The following PLVAP variants were observed in gnomAD, a reference collection of about 807,000 sequenced individuals.
PLVAP encodes plasmalemma vesicle associated protein.
In PLVAP, 34 loss-of-function variants were observed where a neutral mutation model predicts 43.1. The observed-to-expected ratio is 0.79, with a 90% CI of 0.60 to 1.05. The LOEUF is 1.05. PLVAP is among the 50% of genes least tolerant of loss of function. The pLI is 0.00. For synonymous variants in PLVAP, 241 were observed against 237.3 expected, an observed-to-expected ratio of 1.02 and a Z score of -0.14; for missense variants, 574 against 593.4, an observed-to-expected ratio of 0.97 and a Z score of 0.34.
chr19:17,375,069 A>C (rs1435033843), intron 1 of PLVAP, among the ~76,000 whole-genome samples: 2 of 152,042 alleles, frequency 1.3e-5, no homozygotes, highest in African/African-American at 4.8e-5. Flanking sequence ...TGATCCACCC[A>C]CCTTGGCCTC....
chr19:17,370,001 TAAAAAAA>T (rs763532839), intron 1 of PLVAP, among the ~76,000 whole-genome samples: 104 of 88,772 alleles, frequency 1.2e-3, no homozygotes, highest in Admixed American at 3.4e-3. Flanking sequence ...AGAGTCTGTC[TAAAAAAA>T]AAAAAAAAAA....
In PLVAP at chr19:17,371,473, A is replaced by G. The variant is rs532773236; in HGVS notation, c.370-5278T>C. The stretch of plus-strand genomic sequence containing the variant: ...CAGACGTGAGCTGCCACGCCCGGCC[A>G]GCTATTTTTATTTTAATTTAATTTT... On this transcript the variant is annotated intron_variant, in intron 1 of 5. Transcript: ENST00000252590. Among the ~76,000 whole-genome samples, 17 of 151,930 alleles carry G rather than the reference A, an allele frequency of 1.1e-4. No individual in the cohort carries two copies. The East Asian group carries it at 2.9e-3, about 26-fold the overall frequency.
chr19:17,366,358 C>T (rs1449571943), intron 1 of PLVAP, among the ~76,000 whole-genome samples, 163 bp from the exon 2 acceptor site: 2 of 152,100 alleles, frequency 1.3e-5, no homozygotes, highest in Non-Finnish European at 2.9e-5. Context: ...CAGCTCACAC[C>T]TGTCATCCCA....
intron 3 of PLVAP, among the ~76,000 whole-genome samples, chr19:17,363,880 C>CT (rs1307463753): frequency 6.7e-6 from 1 of 148,636 alleles, no homozygotes; most frequent in Admixed American, 6.8e-5. Flanking sequence ...GTAGCTGGGA[C>CT]TACAGGCGCC....
intron 1 of PLVAP, 56 bp downstream of exon 1, chr19:17,376,864 G>A: frequency 6.6e-7 from 1 of 1,510,628 alleles, no homozygotes; most frequent in Admixed American, 1.9e-5. Flanking sequence ...CAGGCTCAGA[G>A]AGGTGAGGGG....
At chr19:17,366,628 CTTTTTT>C (rs11459938) in intron 1 of PLVAP, among the ~76,000 whole-genome samples, 3 of 144,362 alleles carry the variant, frequency 2.1e-5, no homozygotes, top group Admixed American at 2.1e-4. Context: ...AACTGAATTT[CTTTTTT>C]TTTTTTTTGA....
rs2074549167 is a variant in PLVAP, at chr19:17,366,139, T to C, written c.426A>G (p.Gln142=). ...YMAAIILSEK[Q]CRDQFKDMNK... Reference sequence around the variant, plus strand: ...TCATGTCCTTGAATTGATCTCTGCATTGCTTCTCACTCAAGATGATGGCAG... The same window carrying C: ...TCATGTCCTTGAATTGATCTCTGCACTGCTTCTCACTCAAGATGATGGCAG... The change falls in exon 2 of 6, where the codon CAA becomes CAG. Residue 142 remains glutamine (Q), a synonymous_variant. Transcript: ENST00000252590. 1.2e-6 allele frequency: 2 copies of C among 1,614,172 alleles called. No individual in the cohort carries two copies. The highest frequency in any genetic ancestry group is 4.5e-5 in the East Asian group (2 of 44,886).
intron 1 of PLVAP, among the ~76,000 whole-genome samples, chr19:17,369,356 T>G (rs2074562790): frequency 6.6e-6 from 1 of 150,606 alleles, no homozygotes; most frequent in African/African-American, 2.4e-5. Context: ...TGGCTAATTT[T>G]TGTATTTTTA....
intron 5 of PLVAP, among the ~76,000 whole-genome samples, chr19:17,353,484 C>G (rs2074493999): frequency 6.6e-6 from 1 of 152,162 alleles, no homozygotes; most frequent in African/African-American, 2.4e-5. Context: ...CTTCCCTGCC[C>G]TCACCTCCTC....
At chr19:17,364,309 C>T (rs1467418821) in intron 3 of PLVAP, among the ~76,000 whole-genome samples, 1 of 151,918 alleles carries the variant, frequency 6.6e-6, no homozygotes, top group African/African-American at 2.4e-5. Flanking sequence ...TGATCTCAAA[C>T]TCTGAGCTCA....
chr19:17,353,425 G>A (rs1344698048), intron 5 of PLVAP, among the ~76,000 whole-genome samples: 1 of 152,190 alleles, frequency 6.6e-6, no homozygotes, highest in Non-Finnish European at 1.5e-5. Context: ...TCCCCCGTCT[G>A]CTCAGGTCCT....
chr19:17,374,964 A>G (rs138186685), intron 1 of PLVAP, among the ~76,000 whole-genome samples: 2,086 of 152,094 alleles, frequency 0.014, 36 homozygotes, highest in South Asian at 0.05. Context: ...GACTACAGGC[A>G]CATACCACCA....
chr19:17,371,041 G>C (rs931682970), intron 1 of PLVAP, among the ~76,000 whole-genome samples: 4 of 149,470 alleles, frequency 2.7e-5, no homozygotes, highest in Non-Finnish European at 6.0e-5. Context: ...GGGCGACAGA[G>C]CGAGACTCCA....
At chr19:17,358,590 C>T (rs2074515718) in intron 5 of PLVAP, among the ~76,000 whole-genome samples, 1 of 152,094 alleles carries the variant, frequency 6.6e-6, no homozygotes, top group South Asian at 2.1e-4. Context: ...GGGCGGTGGC[C>T]TGAGTCACCA....
At chr19:17,376,777 G>C (rs1457980038) in intron 1 of PLVAP, 143 bp downstream of exon 1, 2 of 881,114 alleles carry the variant, frequency 2.3e-6, no homozygotes, top group Admixed American at 2.8e-5. Flanking sequence ...CAGCCTGGGA[G>C]ACGGAGCGAG....
At position 17,365,688 on chromosome 19, in the gene PLVAP, A is replaced by G. The variant is rs1181670470; in HGVS notation, c.777T>C (p.His259=). ...TGGAGGCCAATTCCGAGCCCAGGGG[A>G]TGGTAGAGGTTGTAACCCAGGTTGT... ...SLDNLGYNLY[H]PLGSELASIR... is the part of the protein sequence containing the mutation. The change falls in exon 3 of 6, where the codon CAT becomes CAC. Residue 259 remains histidine, a synonymous_variant. Transcript: ENST00000252590. 8 of 1,613,742 alleles carry G rather than the reference A, an allele frequency of 5.0e-6. No homozygotes were observed. The South Asian group carries it at 7.7e-5, about 16-fold the overall frequency.
In PLVAP at chr19:17,377,150, T is replaced by C; in HGVS notation, c.139A>G (p.Met47Val). The change falls in exon 1 of 6, where the codon ATG becomes GTG. Residue 47 changes from methionine (M) to valine (V), a missense_variant. Met to Val is a conservative substitution (Grantham distance 21). Transcript: ENST00000252590. ...FLIILGLVLFMVYGNVHVSTE... is the reference protein window; with the variant it reads ...FLIILGLVLFVVYGNVHVSTE... ...CTCACGTGCACGTTGCCATAGACCA[T>C]GAAGAGCACGAGCCCCAGGATGATG... The C allele has an allele frequency of 6.2e-7, 1 of 1,613,780 alleles. No homozygotes were observed. Among genetic ancestry groups the C allele is most frequent in the Non-Finnish European group, 8.5e-7 (1 of 1,179,930 alleles).
chr19:17,360,754 C>G lies in PLVAP; in HGVS notation c.1240+18G>C, dbSNP rs771800587. ...AAAGGGGCCCCTCCCCTACTTGGCT[C>G]TGTCTTTTGTCACTCACCGATGGGC... On this transcript the variant is annotated intron_variant, in intron 4 of 5. Coordinates refer to ENST00000252590, the MANE Select transcript of PLVAP (RefSeq NM_031310.3). 3.1e-6 allele frequency: 5 copies of G among 1,611,400 alleles called. No individual in the cohort carries two copies. Among genetic ancestry groups the G allele is most frequent in the Non-Finnish European group, 4.2e-6 (5 of 1,177,558 alleles).
In PLVAP at chr19:17,352,120, C is replaced by T. The variant is rs2074488238; in HGVS notation, c.*242G>A. The T allele has an allele frequency of 1.7e-6, 1 of 571,950 alleles. No homozygotes were observed. The highest frequency in any genetic ancestry group is 2.8e-5 in the East Asian group (1 of 35,534). 35.4% of individuals were successfully genotyped at this position (571,950 alleles called of 1,614,324 possible). On this transcript the variant is annotated 3_prime_UTR_variant, in exon 6 of 6. Transcript: ENST00000252590. ...ACGCCATCACCACGGTGATATGTGA[C>T]GTCAGCGCCGTTGCTTGCGTGACGT... is the stretch of plus-strand genomic sequence containing the variant.
Sources: allele counts gnomAD v4.1 joint callset (sites outside exome capture counted in the v4.1 genomes callset), GRCh38; gene constraint gnomAD v4.1.1; transcripts MANE v1.5; gene names NCBI Gene and HGNC (gene_info 2026-07-23, HGNC 2026-07-21).